Variants in ZSWIM5 observed in about 807,000 individuals in gnomAD.
The protein encoded by ZSWIM5 is zinc finger SWIM domain-containing protein 5.
ZSWIM5 carries 55 observed loss-of-function variants against 119.6 expected under a neutral mutation model. That is an observed-to-expected ratio of 0.46 (90% CI 0.37 to 0.58). ZSWIM5 has a LOEUF of 0.58. ZSWIM5 is among the 20% of genes least tolerant of loss of function. ZSWIM5 has a pLI of 0.00. For synonymous variants in ZSWIM5, 537 were observed against 606.9 expected (o/e 0.88, Z 1.69); for missense variants, 1,193 against 1,512.8 (o/e 0.79, Z 3.51).
chr1:45,058,682 G>A lies in ZSWIM5; in HGVS notation c.1179C>T (p.Asp393=). The change falls in exon 4 of 14, where the codon GAC becomes GAT. Residue 393 remains aspartate, a synonymous_variant. Transcript: ENST00000359600. ...GCTGCCTCCAGAGTGTGAGTCGTGG[G>A]TCAGCCACAAACTGCTCAGTTATTA... The part of the protein sequence containing the change: ...LTLITEQFVA[D]PRLTLWRQQG... The A allele has an allele frequency of 6.2e-7, 1 of 1,614,190 alleles. No homozygotes were observed. The highest frequency in any genetic ancestry group is 8.5e-7 in the Non-Finnish European group (1 of 1,180,044).
At chr1:45,153,166 C>T (rs921752157) in intron 1 of ZSWIM5, among the ~76,000 whole-genome samples, 1 of 149,106 alleles carries the variant, frequency 6.7e-6, no homozygotes, top group Non-Finnish European at 1.5e-5. Flanking sequence ...AACACACTTG[C>T]ACACTACTGG....
chr1:45,041,238 T>C (rs993976818), intron 6 of ZSWIM5, among the ~76,000 whole-genome samples: 4 of 152,174 alleles, frequency 2.6e-5, no homozygotes, highest in Non-Finnish European at 4.4e-5. Context: ...GTTAGAATTA[T>C]GTTATGTGGC....
chr1:45,058,583 C>T, intron 4 of ZSWIM5, 26 bp downstream of exon 4: 5 of 1,613,642 alleles, frequency 3.1e-6, no homozygotes, highest in Non-Finnish European at 3.4e-6. Flanking sequence ...TAGAACAAAG[C>T]ACTTCTCTGA....
chr1:45,127,629 G>A (rs538074865), intron 1 of ZSWIM5, among the ~76,000 whole-genome samples: 81 of 151,898 alleles, frequency 5.3e-4, no homozygotes, highest in African/African-American at 1.9e-3. Flanking sequence ...TTTAGAGATG[G>A]GGTCTTGCTT....
At chr1:45,048,196 T>TCATTTTTGCTTG (rs1645069050) in intron 5 of ZSWIM5, among the ~76,000 whole-genome samples, 2 of 150,188 alleles carry the variant, frequency 1.3e-5, no homozygotes, top group African/African-American at 4.9e-5. Flanking sequence ...CAATCCACGA[T>TCATTTTTGCTTG]ACCTGGCTAA....
chr1:45,155,448 A>AGTG (rs1234437226), intron 1 of ZSWIM5, among the ~76,000 whole-genome samples: 1 of 152,176 alleles, frequency 6.6e-6, no homozygotes, highest in Non-Finnish European at 1.5e-5. Flanking sequence ...AAACTAGTAC[A>AGTG]GCCACTATGA....
chr1:45,184,304 C>T (rs1326332626), intron 1 of ZSWIM5, among the ~76,000 whole-genome samples: 2 of 152,040 alleles, frequency 1.3e-5, no homozygotes, highest in East Asian at 3.9e-4. Context: ...ACTGAATGGG[C>T]AAAAACTGGA....
Position 45,072,401 on chromosome 1 carries a change from T to C in ZSWIM5, c.953-12154A>G, listed in dbSNP as rs1645227122. On this transcript the variant is annotated intron_variant, in intron 2 of 13. Transcript: ENST00000359600. This position sits in a 1 kb window ranked among gnomAD's most constrained non-coding sequence, Gnocchi z 4.1. ...TCTTCACTTTGTCAATTATTTCCTTTCTGTACAGAAGCTTTTTAACTTGAT... is the reference window on the plus strand; with the variant it reads ...TCTTCACTTTGTCAATTATTTCCTTCCTGTACAGAAGCTTTTTAACTTGAT... Among the ~76,000 whole-genome samples the C allele has an allele frequency of 6.6e-6, 1 of 152,024 alleles. No homozygotes were observed. Among genetic ancestry groups the C allele is most frequent in the Non-Finnish European group, 1.5e-5 (1 of 68,026 alleles).
At chr1:45,107,836 C>T (rs547603024) in intron 1 of ZSWIM5, among the ~76,000 whole-genome samples, 55 of 151,986 alleles carry the variant, frequency 3.6e-4, no homozygotes, top group Middle Eastern at 6.8e-3. Context: ...ATGTCACCTA[C>T]GCTGGAGTGC....
rs1241654187 is a variant in ZSWIM5 at position 45,058,699 on chromosome 1, C to G, written c.1162G>C (p.Glu388Gln). The stretch of plus-strand genomic sequence containing the variant: ...AGTCGTGGGTCAGCCACAAACTGCT[C>G]AGTTATTAGTGTCAGCATCCTTGCT... ...NGARMLTLITEQFVADPRLTL... is the reference protein window; with the variant it reads ...NGARMLTLITQQFVADPRLTL... Residue 388 changes from glutamate to glutamine, a missense_variant, in exon 4 of 14, where the codon GAG becomes CAG. Around this residue, in one of 2 missense-constraint regions of ZSWIM5, gnomAD observed 961 missense variants for 1,290.0 expected, o/e 0.74. Transcript: ENST00000359600. 1.2e-6 allele frequency: 2 copies of G among 1,614,194 alleles called. No individual in the cohort carries two copies. The highest frequency in any genetic ancestry group is 2.2e-5 in the East Asian group (1 of 44,892).
chr1:45,114,187 T>C (rs764399454), intron 1 of ZSWIM5, among the ~76,000 whole-genome samples: 16 of 152,150 alleles, frequency 1.1e-4, no homozygotes, highest in Non-Finnish European at 1.6e-4. Context: ...CCTAAATAAC[T>C]ATCCTTCGGC....
At chr1:45,033,085 G>T (rs768153954) in intron 11 of ZSWIM5, among the ~76,000 whole-genome samples, 1 of 152,000 alleles carries the variant, frequency 6.6e-6, no homozygotes, top group African/African-American at 2.4e-5. Flanking sequence ...GCAGGCTACC[G>T]CCACTCCCCA....
chr1:45,144,780 C>G (rs1244341512), intron 1 of ZSWIM5, among the ~76,000 whole-genome samples: 1 of 152,078 alleles, frequency 6.6e-6, no homozygotes, highest in Non-Finnish European at 1.5e-5. Context: ...ATACATGTAA[C>G]CAAAAGCAGA....
chr1:45,083,837 G>A (rs926732957), intron 2 of ZSWIM5, among the ~76,000 whole-genome samples: 1 of 152,196 alleles, frequency 6.6e-6, no homozygotes, highest in Non-Finnish European at 1.5e-5. Context: ...CAAGACAAAC[G>A]GGAAGCAGAC....
chr1:45,163,355 C>G (rs1645877203), intron 1 of ZSWIM5, among the ~76,000 whole-genome samples: 1 of 152,166 alleles, frequency 6.6e-6, no homozygotes, highest in South Asian at 2.1e-4. Context: ...TAGATAAAAC[C>G]ACAAAGATGG....
intron 1 of ZSWIM5, among the ~76,000 whole-genome samples, chr1:45,106,098 G>A (rs529880024): frequency 1.4e-4 from 20 of 142,964 alleles, no homozygotes; most frequent in African/African-American, 5.3e-4. Context: ...CGCCCCGTCT[G>A]GGAGGTGAGG....
At chr1:45,043,014 C>G (rs1297979428) in intron 6 of ZSWIM5, among the ~76,000 whole-genome samples, 1 of 152,186 alleles carries the variant, frequency 6.6e-6, no homozygotes, top group Non-Finnish European at 1.5e-5. Flanking sequence ...GATGCAAATT[C>G]TTATTTGAGG....
chr1:45,046,758 G>T (rs1288847722), intron 5 of ZSWIM5, among the ~76,000 whole-genome samples: 4 of 151,650 alleles, frequency 2.6e-5, no homozygotes, highest in Non-Finnish European at 5.9e-5. Context: ...AGGCGCGGTG[G>T]CTCATTCCTG....
At chr1:45,155,259 GACAA>G (rs1452807359) in intron 1 of ZSWIM5, among the ~76,000 whole-genome samples, 1 of 151,906 alleles carries the variant, frequency 6.6e-6, no homozygotes, top group Non-Finnish European at 1.5e-5. Flanking sequence ...ATATACAAAT[GACAA>G]ACAAACATGA....
Sources: gnomAD v4.1 joint callset for allele counts (sites outside exome capture counted in the v4.1 genomes callset) on GRCh38, gnomAD v4.1.1 for gene constraint, gnomAD v4.1.1 regional missense constraint, Gnocchi (gnomAD v3.1) non-coding constraint, MANE v1.5 for transcripts, NCBI Gene and HGNC (gene_info 2026-07-23, HGNC 2026-07-21) for gene names.